Variants in MAF observed in about 807,000 individuals in gnomAD.
MAF encodes the protein MAF bZIP transcription factor.
MAF carries 10 observed loss-of-function variants against 22.0 expected under a neutral mutation model. The ratio of observed to expected loss-of-function variants is 0.45; its 90% confidence interval spans 0.28 to 0.77. MAF has a LOEUF of 0.77. MAF is among the 30% of genes least tolerant of loss of function. The probability of loss-of-function intolerance (pLI) is 0.12; values close to 1 mark genes in which losing one functional copy is unlikely to be tolerated. For synonymous variants in MAF, 337 were observed against 255.8 expected (o/e 1.32, Z -3.03); for missense variants, 544 against 548.4 (o/e 0.99, Z 0.08).
the MAF span, among the ~76,000 whole-genome samples, chr16:79,299,031 G>A: frequency 6.6e-6 from 1 of 152,246 alleles, no homozygotes; most frequent in Non-Finnish European, 1.5e-5. Flanking sequence ...GCACCTTGTG[G>A]TGCTGATGGG....
chr16:79,357,826 G>T, the MAF span, among the ~76,000 whole-genome samples: 5 of 152,142 alleles, frequency 3.3e-5, no homozygotes, highest in Non-Finnish European at 7.3e-5. Flanking sequence ...TGACATCTGA[G>T]GTCCTCCATG....
the MAF span, chr16:79,211,721 C>G: frequency 5.9e-5 from 96 of 1,614,068 alleles, no homozygotes; most frequent in Non-Finnish European, 7.1e-5. Flanking sequence ...AAGCTCAGAG[C>G]GAAGAGACGG....
the MAF span, among the ~76,000 whole-genome samples, chr16:79,273,130 C>T: frequency 2.0e-5 from 3 of 152,124 alleles, no homozygotes; most frequent in African/African-American, 4.8e-5. Context: ...CCCTAAGATA[C>T]ATTTAGTCAG....
the MAF span, among the ~76,000 whole-genome samples, chr16:79,545,347 G>C: frequency 1.3e-5 from 2 of 152,118 alleles, no homozygotes; most frequent in African/African-American, 4.8e-5. Context: ...GCAGAACTGA[G>C]GGGGCCCATG....
At chr16:79,572,328 C>A in the MAF span, among the ~76,000 whole-genome samples, 2 of 152,118 alleles carry the variant, frequency 1.3e-5, no homozygotes, top group African/African-American at 4.8e-5. Context: ...AGGCACGTGA[C>A]CAAATCCCCA....
At chr16:79,506,731 C>T in the MAF span, among the ~76,000 whole-genome samples, 2 of 152,166 alleles carry the variant, frequency 1.3e-5, no homozygotes, top group African/African-American at 4.8e-5. Flanking sequence ...GTGAGCTGTT[C>T]AGGGTCTCAC....
the MAF span, among the ~76,000 whole-genome samples, chr16:79,571,774 A>G: frequency 2.0e-5 from 3 of 152,104 alleles, no homozygotes; most frequent in Admixed American, 6.5e-5. Context: ...TAGATTCACG[A>G]AGGAGCTCCA....
chr16:79,395,908 A>G, the MAF span, among the ~76,000 whole-genome samples: 1 of 152,178 alleles, frequency 6.6e-6, no homozygotes, highest in African/African-American at 2.4e-5. Context: ...GCAGGAAGGC[A>G]GAAGAGAACG....
At chr16:79,566,390 C>G in the MAF span, among the ~76,000 whole-genome samples, 7 of 152,156 alleles carry the variant, frequency 4.6e-5, no homozygotes, top group Non-Finnish European at 1.0e-4. Context: ...GGAGTGGGGA[C>G]TGTACTGCAA....
At chr16:79,337,371 A>G in the MAF span, among the ~76,000 whole-genome samples, 1 of 152,146 alleles carries the variant, frequency 6.6e-6, no homozygotes, top group East Asian at 1.9e-4. Flanking sequence ...GGAGTTCCAG[A>G]CCAGCCTGGC....
chr16:79,212,076 G>A, the MAF span: 207 of 1,536,418 alleles, frequency 1.3e-4, no homozygotes, highest in South Asian at 2.5e-4. Context: ...TGTAGGTTCC[G>A]TATCTCCCTG....
At chr16:79,264,434 T>C in the MAF span, 1 of 152,236 alleles carries the variant, frequency 6.6e-6, no homozygotes, top group African/African-American at 2.4e-5. Context: ...CTCAAAGCCT[T>C]GCCCTGAGAA....
chr16:79,439,257 C>CCT, the MAF span, among the ~76,000 whole-genome samples: 1 of 130,804 alleles, frequency 7.6e-6, no homozygotes, highest in African/African-American at 2.9e-5. Flanking sequence ...TAGGTACTTA[C>CCT]TTTTTTTTTT....
the MAF span, among the ~76,000 whole-genome samples, chr16:79,444,852 C>T: frequency 6.6e-6 from 1 of 152,094 alleles, no homozygotes; most frequent in Non-Finnish European, 1.5e-5. Context: ...AATGATGAAT[C>T]ACATCTATTA....
the MAF span, among the ~76,000 whole-genome samples, chr16:79,459,258 T>C: frequency 5.3e-5 from 8 of 152,268 alleles, no homozygotes; most frequent in African/African-American, 1.9e-4. Context: ...AAACAAAAGA[T>C]ACAAGAATCC....
the MAF span, among the ~76,000 whole-genome samples, chr16:79,556,582 G>T: frequency 6.6e-6 from 1 of 152,200 alleles, no homozygotes; most frequent in Non-Finnish European, 1.5e-5. Flanking sequence ...TGATGAAATT[G>T]AATATATAAC....
At chr16:79,267,487 C>T in the MAF span, among the ~76,000 whole-genome samples, 1 of 152,136 alleles carries the variant, frequency 6.6e-6, no homozygotes, top group Non-Finnish European at 1.5e-5. Flanking sequence ...TCCCCTTTGC[C>T]CGCTGCTGCG....
the MAF span, among the ~76,000 whole-genome samples, chr16:79,575,294 C>A: frequency 1.3e-5 from 2 of 152,170 alleles, no homozygotes; most frequent in Admixed American, 6.5e-5. Context: ...AAGCAGGCAG[C>A]TGACCATGAA....
At chr16:79,578,240 C>G in the MAF span, among the ~76,000 whole-genome samples, 1 of 152,088 alleles carries the variant, frequency 6.6e-6, no homozygotes, top group Non-Finnish European at 1.5e-5. Flanking sequence ...TTGTAATTTA[C>G]AGAATACATT....
Sources: gnomAD v4.1 joint callset for allele counts (sites outside exome capture counted in the v4.1 genomes callset) on GRCh38, gnomAD v4.1.1 for gene constraint, MANE v1.5 for transcripts, NCBI Gene and HGNC (gene_info 2026-07-23, HGNC 2026-07-21) for gene names.